TJP1: variants seen among roughly 807,000 people sequenced by gnomAD.
The protein encoded by TJP1 is tight junction protein ZO-1.
A neutral mutation model predicts 194.2 loss-of-function variants in TJP1; 43 were observed. The observed-to-expected ratio is 0.22, with a 90% confidence interval of 0.17 to 0.29. The LOEUF (loss-of-function observed/expected upper bound fraction) is 0.29. TJP1 is among the 10% of genes least tolerant of loss of function. The pLI is 1.00. For missense variants in TJP1, 1,971 were observed against 2,185.7 expected (o/e 0.90, Z 1.96); for synonymous variants, 801 against 779.0 (o/e 1.03, Z -0.47).
chr15:29,878,265 T>C (rs954475184), intron 2 of TJP1, among the ~76,000 whole-genome samples: 2 of 152,016 alleles, frequency 1.3e-5, no homozygotes, highest in African/African-American at 4.8e-5. Flanking sequence ...TTAGCCAGGA[T>C]GGTCTCGATC....
intron 8 of TJP1, among the ~76,000 whole-genome samples, chr15:29,751,892 G>C (rs1372338174): frequency 1.3e-5 from 2 of 152,072 alleles, no homozygotes; most frequent in African/African-American, 2.4e-5. Context: ...TCAGCTGATG[G>C]AGTAAATAAA....
chr15:29,729,455 G>A (rs1216950192), intron 15 of TJP1: 1 of 151,996 alleles, frequency 6.6e-6, no homozygotes, highest in Non-Finnish European at 1.5e-5. Flanking sequence ...GCAATGAAAT[G>A]AAAAGCAATA....
intron 22 of TJP1, among the ~76,000 whole-genome samples, chr15:29,717,159 T>A (rs1020143026): frequency 6.6e-6 from 1 of 152,214 alleles, no homozygotes; most frequent in East Asian, 1.9e-4. Context: ...ACAGTGAACA[T>A]CTTGAGAAGT....
chr15:29,877,576 T>TTTCTTTCC (rs2052751460), intron 2 of TJP1, among the ~76,000 whole-genome samples: 1 of 152,052 alleles, frequency 6.6e-6, no homozygotes, highest in Admixed American at 6.6e-5. Flanking sequence ...TCTTTCTTTC[T>TTTCTTTCC]TTCTTTCCTT....
At chr15:29,941,947 G>C (rs957383667) in intron 2 of TJP1, among the ~76,000 whole-genome samples, 2 of 152,136 alleles carry the variant, frequency 1.3e-5, no homozygotes, top group African/African-American at 4.8e-5. Context: ...GGAGGGAAGC[G>C]ACTGGAGAAA....
In TJP1 at chr15:29,723,835, G is replaced by A. The variant is rs534274052; in HGVS notation, c.2412+2544C>T. ...GTGAGAAGTATTTGAGGGAAAGGAA[G>A]CTACAGAGTTGCAATCAACAGGTTA... On this transcript the variant is annotated intron_variant, in intron 18 of 27. Coordinates refer to ENST00000614355, the MANE Select transcript of TJP1 (RefSeq NM_001330239.4). Among the ~76,000 whole-genome samples, 214 of 152,302 alleles carry A rather than the reference G, an allele frequency of 1.4e-3. 1 individual carries two copies. In the South Asian group the frequency reaches 0.017, roughly 12 times the overall value.
chr15:29,788,111 CTTT>C (rs2047821058), intron 2 of TJP1, among the ~76,000 whole-genome samples: 2 of 152,160 alleles, frequency 1.3e-5, no homozygotes, highest in Non-Finnish European at 2.9e-5. Context: ...CATACATCTT[CTTT>C]GAGGAAGTAT....
At chr15:29,809,156 G>C (rs975057214) in intron 1 of TJP1, among the ~76,000 whole-genome samples, 1 of 152,162 alleles carries the variant, frequency 6.6e-6, no homozygotes, top group Non-Finnish European at 1.5e-5. Flanking sequence ...ACTGAATATG[G>C]AAAATAATTT....
At chr15:29,741,566 T>C (rs1358450847) in intron 9 of TJP1, 130 bp from the exon 10 acceptor site, 2 of 618,418 alleles carry the variant, frequency 3.2e-6, no homozygotes, top group Admixed American at 3.4e-5. Flanking sequence ...TGTATTAGAG[T>C]ACATTTTATA....
intron 2 of TJP1, among the ~76,000 whole-genome samples, chr15:29,792,217 A>T (rs1429995143): frequency 2.6e-5 from 4 of 152,134 alleles, no homozygotes; most frequent in Non-Finnish European, 5.9e-5. Context: ...AGTGTTTCCC[A>T]ATGTTTTCTT....
At chr15:29,768,836 G>C (rs560679784) in intron 4 of TJP1, among the ~76,000 whole-genome samples, 5 of 151,638 alleles carry the variant, frequency 3.3e-5, no homozygotes, top group African/African-American at 1.2e-4. Flanking sequence ...AAAATATTTA[G>C]GAAAAAAAAT....
exon 1 of TJP1, chr15:29,968,749 T>C: frequency 1.6e-6 from 2 of 1,230,990 alleles, no homozygotes; most frequent in East Asian, 7.6e-5. Flanking sequence ...GTCAGGTATT[T>C]CTGGTACTTC....
intron 1 of TJP1, among the ~76,000 whole-genome samples, chr15:29,816,376 G>T (rs1731229823): frequency 6.6e-6 from 1 of 152,064 alleles, no homozygotes; most frequent in Admixed American, 6.6e-5. Context: ...TAACCTGGGG[G>T]GGAAGAACAC....
intron 10 of TJP1, among the ~76,000 whole-genome samples, chr15:29,739,684 A>G (rs2044267780): frequency 6.6e-6 from 1 of 151,990 alleles, no homozygotes; most frequent in Admixed American, 6.5e-5. Flanking sequence ...TGACCTGGTG[A>G]TCTGCCCACC....
intron 2 of TJP1, among the ~76,000 whole-genome samples, chr15:29,836,046 T>C (rs1006494519): frequency 1.1e-4 from 16 of 152,182 alleles, no homozygotes; most frequent in African/African-American, 3.9e-4. Flanking sequence ...GTATGATTAT[T>C]CAAGAATACA....
chr15:29,840,645 C>A (rs552470616), intron 2 of TJP1, among the ~76,000 whole-genome samples: 52 of 152,292 alleles, frequency 3.4e-4, no homozygotes, highest in South Asian at 4.1e-4. Context: ...TGAGGCCAGG[C>A]AGCCTCCATC....
chr15:29,720,318 T>C lies in TJP1; in HGVS notation c.2763+40A>G, dbSNP rs376183564. The C allele has an allele frequency of 3.6e-4, 526 of 1,458,316 alleles. 2 individuals are homozygous for C. The highest frequency in any genetic ancestry group is 7.3e-4 in the South Asian group (54 of 73,532). 90.3% of individuals were successfully genotyped at this position (1,458,316 alleles called of 1,614,324 possible). ...ATCACCACATTCTAAAATTTAATAA[T>C]GCACCTCTATCTACAAAACGTTGAA... On this transcript the variant is annotated intron_variant, in intron 19 of 27. Coordinates refer to ENST00000614355, the MANE Select transcript of TJP1 (RefSeq NM_001330239.4).
intron 2 of TJP1, among the ~76,000 whole-genome samples, chr15:29,941,544 C>T (rs2055077170): frequency 6.6e-6 from 1 of 152,178 alleles, no homozygotes; most frequent in Non-Finnish European, 1.5e-5. Flanking sequence ...TTCCTTCAAC[C>T]AGCTGGTGTG....
chr15:29,752,159 G>A (rs1261922913), intron 8 of TJP1, among the ~76,000 whole-genome samples: 1 of 151,698 alleles, frequency 6.6e-6, no homozygotes, highest in Non-Finnish European at 1.5e-5. Flanking sequence ...CTGGAGTGCA[G>A]TGGCATGATC....
Sources: gnomAD v4.1 joint callset for allele counts (sites outside exome capture counted in the v4.1 genomes callset) on GRCh38, gnomAD v4.1.1 for gene constraint, MANE v1.5 for transcripts, NCBI Gene and HGNC (gene_info 2026-07-23, HGNC 2026-07-21) for gene names.